Variants in SH3BGRL2 observed in about 807,000 individuals in gnomAD.
The protein encoded by SH3BGRL2 is SH3 domain binding glutamate rich protein like 2.
A neutral mutation model predicts 14.8 loss-of-function variants in SH3BGRL2; 21 were observed. The observed-to-expected ratio is 1.42, with a 90% CI of 1.01 to 2.05. SH3BGRL2 has a LOEUF of 2.05. SH3BGRL2 is among the 30% of genes most tolerant of loss of function. The pLI is 0.00. For missense variants in SH3BGRL2, 147 were observed against 130.8 expected (o/e 1.12, Z -0.61); for synonymous variants, 50 against 47.8 (o/e 1.05, Z -0.19).
chr6:79,661,563 T>C (rs1250130239), intron 1 of SH3BGRL2, among the ~76,000 whole-genome samples: 1 of 152,186 alleles, frequency 6.6e-6, no homozygotes, highest in Admixed American at 6.5e-5. Context: ...ATGTGGTCAG[T>C]TTTAGAATAA....
chr6:79,562,503 G>A, the SH3BGRL2 span, among the ~76,000 whole-genome samples: 1 of 152,128 alleles, frequency 6.6e-6, no homozygotes, highest in Non-Finnish European at 1.5e-5. Flanking sequence ...GTGTTTAGGG[G>A]CATAGAGATG....
At chr6:79,620,608 C>G in the SH3BGRL2 span, among the ~76,000 whole-genome samples, 1 of 151,070 alleles carries the variant, frequency 6.6e-6, no homozygotes, top group Admixed American at 6.6e-5. Flanking sequence ...GATAATTTCC[C>G]AGCCTGAAAA....
At chr6:79,587,775 G>T in the SH3BGRL2 span, among the ~76,000 whole-genome samples, 1 of 152,120 alleles carries the variant, frequency 6.6e-6, no homozygotes, top group Non-Finnish European at 1.5e-5. Context: ...ATATATAGAG[G>T]CCTTTGTATA....
At chr6:79,682,983 A>C (rs1038887851) in intron 2 of SH3BGRL2, among the ~76,000 whole-genome samples, 5 of 152,220 alleles carry the variant, frequency 3.3e-5, no homozygotes, top group Non-Finnish European at 5.9e-5. Context: ...TCTCACTCAT[A>C]GGTGGGAATT....
At chr6:79,645,990 C>T (rs1285380672) in intron 1 of SH3BGRL2, among the ~76,000 whole-genome samples, 1 of 152,196 alleles carries the variant, frequency 6.6e-6, no homozygotes, top group East Asian at 1.9e-4. Flanking sequence ...TACCCTAAAC[C>T]AGGGTTTGTC....
chr6:79,635,261 A>G (rs896020668), intron 1 of SH3BGRL2, among the ~76,000 whole-genome samples: 1 of 152,232 alleles, frequency 6.6e-6, no homozygotes, highest in Non-Finnish European at 1.5e-5. Context: ...ACGGAAACCT[A>G]AAGATATTTT....
At chr6:79,556,536 C>A in the SH3BGRL2 span, among the ~76,000 whole-genome samples, 1 of 151,956 alleles carries the variant, frequency 6.6e-6, no homozygotes, top group Non-Finnish European at 1.5e-5. Flanking sequence ...TGCAATAAAA[C>A]AGGAATTCTT....
chr6:79,545,853 T>A, the SH3BGRL2 span, among the ~76,000 whole-genome samples: 24 of 152,196 alleles, frequency 1.6e-4, no homozygotes, highest in African/African-American at 5.8e-4. Flanking sequence ...GCTGTCATTG[T>A]TTTTTTAAAC....
At chr6:79,638,498 A>G (rs1768969192) in intron 1 of SH3BGRL2, among the ~76,000 whole-genome samples, 1 of 152,012 alleles carries the variant, frequency 6.6e-6, no homozygotes, top group South Asian at 2.1e-4. Context: ...TGGTAGTTCC[A>G]TTTGTGGTTT....
At chr6:79,695,799 A>G (rs1466314438) in intron 2 of SH3BGRL2, among the ~76,000 whole-genome samples, 3 of 152,250 alleles carry the variant, frequency 2.0e-5, no homozygotes, top group African/African-American at 7.2e-5. Flanking sequence ...CCAAATTTTA[A>G]GACTGCTTTA....
At chr6:79,641,341 T>C (rs2127723938) in intron 1 of SH3BGRL2, among the ~76,000 whole-genome samples, 1 of 152,322 alleles carries the variant, frequency 6.6e-6, no homozygotes. Context: ...TTCACTGTTC[T>C]TTTATGAGAA....
upstream of SH3BGRL2, among the ~76,000 whole-genome samples, chr6:79,628,075 T>G (rs1231827002): frequency 2.6e-5 from 4 of 152,202 alleles, no homozygotes; most frequent in Non-Finnish European, 4.4e-5. Flanking sequence ...TATTTTCCAA[T>G]GATTGCAAAT....
At chr6:79,568,415 C>G in the SH3BGRL2 span, among the ~76,000 whole-genome samples, 1 of 152,098 alleles carries the variant, frequency 6.6e-6, no homozygotes, top group African/African-American at 2.4e-5. Context: ...TAGACTATAG[C>G]TTCATGTGTC....
chr6:79,572,615 G>A, the SH3BGRL2 span, among the ~76,000 whole-genome samples: 5 of 152,166 alleles, frequency 3.3e-5, no homozygotes, highest in South Asian at 4.1e-4. Flanking sequence ...ACAGGCGCCC[G>A]CCACCACGCC....
chr6:79,661,257 TGTGGGCATTTAGTA>T (rs1188965219), intron 1 of SH3BGRL2, among the ~76,000 whole-genome samples: 1 of 152,218 alleles, frequency 6.6e-6, no homozygotes, highest in African/African-American at 2.4e-5. Context: ...TGCTTTCTCC[TGTGGGCATTTAGTA>T]CTATAAATTT....
chr6:79,606,732 T>A, the SH3BGRL2 span, among the ~76,000 whole-genome samples: 1 of 152,252 alleles, frequency 6.6e-6, no homozygotes, highest in African/African-American at 2.4e-5. Context: ...TTTTTGTGAT[T>A]TATTTATACA....
the SH3BGRL2 span, among the ~76,000 whole-genome samples, chr6:79,624,848 A>T: frequency 6.6e-6 from 1 of 151,436 alleles, no homozygotes; most frequent in East Asian, 1.9e-4. Context: ...AAAGAACCCT[A>T]TTGGTTGAGG....
At chr6:79,677,580 A>T (rs1323970074) in intron 2 of SH3BGRL2, among the ~76,000 whole-genome samples, 2 of 152,138 alleles carry the variant, frequency 1.3e-5, no homozygotes, top group East Asian at 3.9e-4. Context: ...TGGTGTCCTT[A>T]TGCAGCTCAT....
the SH3BGRL2 span, among the ~76,000 whole-genome samples, chr6:79,568,836 T>C: frequency 6.6e-6 from 1 of 152,198 alleles, no homozygotes; most frequent in Admixed American, 6.5e-5. Context: ...ATTTTTCTTA[T>C]CTATATTGTA....
Sources: gnomAD v4.1 joint callset for allele counts (sites outside exome capture counted in the v4.1 genomes callset) on GRCh38, gnomAD v4.1.1 for gene constraint, MANE v1.5 for transcripts, NCBI Gene and HGNC (gene_info 2026-07-23, HGNC 2026-07-21) for gene names.